The following DOP1A variants were observed in gnomAD, a reference collection of about 807,000 sequenced individuals.
The protein encoded by DOP1A is protein DOP1A.
DOP1A carries 90 observed loss-of-function variants against 267.6 expected under a neutral mutation model. That is an observed-to-expected ratio of 0.34 (90% CI 0.28 to 0.40). The LOEUF is 0.40. DOP1A is among the 10% of genes least tolerant of loss of function. DOP1A has a pLI of 1.00. For synonymous variants in DOP1A, 932 were observed against 999.1 expected, an observed-to-expected ratio of 0.93 and a Z score of 1.27; for missense variants, 2,437 against 2,900.4, an observed-to-expected ratio of 0.84 and a Z score of 3.67.
intron 1 of DOP1A, among the ~76,000 whole-genome samples, chr6:83,078,430 T>C (rs931951188): frequency 6.6e-6 from 1 of 152,102 alleles, no homozygotes; most frequent in African/African-American, 2.4e-5. Context: ...TTGGAGAAGG[T>C]GAAGGTAGTG....
rs1414810075 is a variant in DOP1A, at chr6:83,138,950, T to C, written c.4908T>C (p.Cys1636=). ...LQYLHAQPIT[C]QGMFLCAVIR... ...ATTTGCATGCTCAGCCAATCACATGTCAAGGCATGTTCCTCTGTGCAGTGA... is the reference window on the plus strand; with the variant it reads ...ATTTGCATGCTCAGCCAATCACATGCCAAGGCATGTTCCTCTGTGCAGTGA... The change falls in exon 21 of 39, where the codon TGT becomes TGC. Residue 1636 remains cysteine (C), a synonymous_variant. Transcript: ENST00000349129. 1 of 1,614,082 alleles carries C rather than the reference T, an allele frequency of 6.2e-7. No individual in the cohort carries two copies. Among genetic ancestry groups the C allele is most frequent in the Admixed American group, 1.7e-5 (1 of 60,010 alleles).
In DOP1A at chr6:83,139,661, A is replaced by G. The variant is rs555867954; in HGVS notation, c.5121-339A>G. 2.6e-5 allele frequency among the ~76,000 whole-genome samples: 4 copies of G among 152,306 alleles called. No individual in the cohort carries two copies. The South Asian group carries it at 8.3e-4, about 32-fold the overall frequency. On this transcript the variant is annotated intron_variant, in intron 21 of 38. Coordinates refer to ENST00000349129, the MANE Select transcript of DOP1A (RefSeq NM_015018.4). ...CCAGTAGACTGTCATTTTTCTTCAG[A>G]ATAACCTTAGTTTCTACATGTAAAA...
At position 83,125,496 on chromosome 6, in the gene DOP1A, T is replaced by C. The variant is rs1777026483; in HGVS notation, c.1486-4T>C. ...AACTTTTTTCATTTCACTTTTATTTTCAGGAGACTTACATTGAAATCCAGA... is the reference window on the plus strand; with the variant it reads ...AACTTTTTTCATTTCACTTTTATTTCCAGGAGACTTACATTGAAATCCAGA... On this transcript the variant is annotated splice_region_variant and splice_polypyrimidine_tract_variant and intron_variant, in intron 14 of 38. Coordinates refer to ENST00000349129, the MANE Select transcript of DOP1A (RefSeq NM_015018.4). The C allele has an allele frequency of 6.2e-7, 1 of 1,611,610 alleles. No individual in the cohort carries two copies. Among genetic ancestry groups the C allele is most frequent in the African/African-American group, 1.3e-5 (1 of 74,920 alleles).
At position 83,154,074 on chromosome 6, in the gene DOP1A, G is replaced by A. The variant is rs929592208; in HGVS notation, c.6389+31G>A. ...TTGCCCTCTTATTTGTATTCAGCAT[G>A]ATGCACCTCACAGTCTGATGAAATC... On this transcript the variant is annotated intron_variant, in intron 32 of 38. Coordinates refer to ENST00000349129, the MANE Select transcript of DOP1A (RefSeq NM_015018.4). 10 of 1,613,366 alleles carry A rather than the reference G, an allele frequency of 6.2e-6. No individual in the cohort carries two copies. The East Asian group carries it at 6.7e-5, about 11-fold the overall frequency.
intron 35 of DOP1A, 23 bp from the exon 36 acceptor site, chr6:83,158,544 A>G: frequency 6.4e-7 from 1 of 1,565,250 alleles, no homozygotes; most frequent in Non-Finnish European, 8.8e-7. Context: ...TTAAATAAAC[A>G]TTTAACATTT....
intron 8 of DOP1A, 84 bp from the exon 9 acceptor site, chr6:83,119,664 C>A: frequency 9.3e-7 from 1 of 1,077,896 alleles, no homozygotes; most frequent in South Asian, 1.4e-5. Flanking sequence ...TAGTGCTGTT[C>A]TGAGATTTTG....
At chr6:83,087,612 C>T (rs1769520533) in intron 1 of DOP1A, among the ~76,000 whole-genome samples, 1 of 152,208 alleles carries the variant, frequency 6.6e-6, no homozygotes, top group African/African-American at 2.4e-5. Flanking sequence ...CCCTACCTCT[C>T]CCATTTACTA....
chr6:83,132,203 T>C lies in DOP1A; in HGVS notation c.2644T>C (p.Leu882=), dbSNP rs746112037. 1.2e-5 allele frequency: 19 copies of C among 1,611,840 alleles called. No homozygotes were observed. Among genetic ancestry groups the C allele is most frequent in the Non-Finnish European group, 1.5e-5 (18 of 1,178,334 alleles). ...KHVALTLWDQ[L]GDGTPQHHQK... Reference sequence around the variant, plus strand: ...TGTAGCTTTAACATTGTGGGACCAGTTGGGAGATGGGACACCTCAGCATCA... The same window carrying C: ...TGTAGCTTTAACATTGTGGGACCAGCTGGGAGATGGGACACCTCAGCATCA... Residue 882 remains leucine (L), a synonymous_variant, in exon 18 of 39, where the codon TTG becomes CTG. Transcript: ENST00000349129.
chr6:83,136,400 TC>T (rs1264819881), intron 20 of DOP1A, among the ~76,000 whole-genome samples: 1 of 152,154 alleles, frequency 6.6e-6, no homozygotes, highest in African/African-American at 2.4e-5. Context: ...AGTGATGCCT[TC>T]TATACAGTGA....
chr6:83,130,393 T>G lies in DOP1A; in HGVS notation c.2612T>G (p.Phe871Cys), dbSNP rs1344013209. The G allele has an allele frequency of 6.2e-7, 1 of 1,610,628 alleles. No individual in the cohort carries two copies. The highest frequency in any genetic ancestry group is 1.1e-5 in the South Asian group (1 of 90,436). ...TACATAGCTGAGAAGACTGAATTTTTCAAGGTAAATTCTAAGAAATGCATA... is the reference window on the plus strand; with the variant it reads ...TACATAGCTGAGAAGACTGAATTTTGCAAGGTAAATTCTAAGAAATGCATA... Reference protein sequence around the residue: ...LRYIAEKTEFFKHVALTLWDQ... With the variant: ...LRYIAEKTEFCKHVALTLWDQ... Residue 871 changes from phenylalanine (F) to cysteine (C), a missense_variant, in exon 17 of 39, where the codon TTC (phenylalanine) becomes TGC (cysteine). Phe to Cys is a radical substitution (Grantham distance 205, BLOSUM62 -2). Around this residue, in one of 9 missense-constraint regions of DOP1A, gnomAD observed 878 missense variants for 992.9 expected, o/e 0.88. Transcript: ENST00000349129.
intron 4 of DOP1A, among the ~76,000 whole-genome samples, chr6:83,107,019 G>A (rs1773728881): frequency 6.6e-6 from 1 of 152,132 alleles, no homozygotes; most frequent in South Asian, 2.1e-4. Context: ...GGAGGAGGTA[G>A]AAGTATCGTG....
In DOP1A at chr6:83,157,165, C is replaced by T; in HGVS notation, c.6605-17C>T. 6.2e-7 allele frequency: 1 copy of T among 1,604,914 alleles called. No homozygotes were observed. Among genetic ancestry groups the T allele is most frequent in the Non-Finnish European group, 8.5e-7 (1 of 1,177,688 alleles). On this transcript the variant is annotated splice_polypyrimidine_tract_variant and intron_variant, in intron 34 of 38. Coordinates refer to ENST00000349129, the MANE Select transcript of DOP1A (RefSeq NM_015018.4). ...AAAGATTATTTAGTTATTGAAAATG[C>T]TCTGCATTTCTTTCAGAGAGATTGG...
In DOP1A at chr6:83,104,443, C is replaced by A. The variant is rs891473404; in HGVS notation, c.320+3557C>A. Reference sequence around the variant, plus strand: ...ATCCAGTTGGCTCATGATTTAGAATCCTTTTTTTCCATCTTTGTTTAGTAG... The same window carrying A: ...ATCCAGTTGGCTCATGATTTAGAATACTTTTTTTCCATCTTTGTTTAGTAG... On this transcript the variant is annotated intron_variant, in intron 4 of 38. Coordinates refer to ENST00000349129, the MANE Select transcript of DOP1A (RefSeq NM_015018.4). Among the ~76,000 whole-genome samples the A allele has an allele frequency of 4.6e-5, 7 of 152,044 alleles. No individual in the cohort carries two copies. The South Asian group carries it at 1.5e-3, about 32-fold the overall frequency.
chr6:83,155,815 A>C, intron 33 of DOP1A, 136 bp from the exon 34 acceptor site: 1 of 978,344 alleles, frequency 1.0e-6, no homozygotes. Context: ...TGTCTGCCCC[A>C]GAGAGGGGCA....
At chr6:83,166,247 G>C (rs1057267426) in intron 38 of DOP1A, 28 of 527,400 alleles carry the variant, frequency 5.3e-5, no homozygotes, top group Non-Finnish European at 9.4e-5. Flanking sequence ...TCAACATTGA[G>C]TTCTTGGGCA....
At chr6:83,166,632 A>G (rs771970050) in intron 38 of DOP1A, 140 of 970,482 alleles carry the variant, frequency 1.4e-4, no homozygotes, top group Non-Finnish European at 1.9e-4. Flanking sequence ...ACTCCAATAT[A>G]AAACGGCAAA....
At chr6:83,098,147 A>C (rs1582923576) in intron 3 of DOP1A, among the ~76,000 whole-genome samples, 1 of 152,258 alleles carries the variant, frequency 6.6e-6, no homozygotes. Flanking sequence ...AGCCTCCCAA[A>C]GTGCTGGGAT....
At chr6:83,108,116 A>G (rs2128167926) in intron 4 of DOP1A, among the ~76,000 whole-genome samples, 1 of 152,342 alleles carries the variant, frequency 6.6e-6, no homozygotes, top group East Asian at 1.9e-4. Flanking sequence ...TTCAAAAAAT[A>G]TCTAGGAGAG....
intron 1 of DOP1A, among the ~76,000 whole-genome samples, chr6:83,095,699 G>A (rs967633960): frequency 2.0e-5 from 3 of 152,138 alleles, no homozygotes; most frequent in South Asian, 4.1e-4. Flanking sequence ...TGTAGGTCTC[G>A]AATTTGAGAG....
Sources: gnomAD v4.1 joint callset for allele counts (sites outside exome capture counted in the v4.1 genomes callset) on GRCh38, gnomAD v4.1.1 for gene constraint, gnomAD v4.1.1 regional missense constraint, MANE v1.5 for transcripts, NCBI Gene and HGNC (gene_info 2026-07-23, HGNC 2026-07-21) for gene names.